Variants in ATP2C2 observed in about 807,000 individuals in gnomAD.
ATP2C2 encodes the protein calcium-transporting ATPase type 2C member 2.
In ATP2C2, 171 loss-of-function variants were observed where a neutral mutation model predicts 110.8. The ratio of observed to expected loss-of-function variants is 1.54; its 90% CI spans 1.36 to 1.75. The LOEUF is 1.75. Among genes scored for constraint, ATP2C2 ranks in the 40% most tolerant of loss-of-function variants. The pLI, the probability that ATP2C2 is intolerant of heterozygous loss-of-function variation, is 0.00. For synonymous variants in ATP2C2, 804 were observed against 508.4 expected, an observed-to-expected ratio of 1.58 and a Z score of -7.82; for missense variants, 1,963 against 1,235.0, an observed-to-expected ratio of 1.59 and a Z score of -8.84.
chr16:84,421,128 C>T (rs56964733), intron 7 of ATP2C2, among the ~76,000 whole-genome samples: 36,015 of 152,076 alleles, frequency 0.24, 4,577 homozygotes, highest in Non-Finnish European at 0.29. Flanking sequence ...TTTGAGGAGC[C>T]CCAGCCAGGT....
intron 13 of ATP2C2, among the ~76,000 whole-genome samples, chr16:84,440,118 G>C (rs531885219): frequency 2.0e-5 from 3 of 152,330 alleles, no homozygotes; most frequent in East Asian, 3.9e-4. Context: ...GATTACAGGC[G>C]TGAGCCACCA....
chr16:84,440,800 CT>C (rs1909177185), intron 13 of ATP2C2, 56 bp from the exon 14 acceptor site: 1 of 1,380,024 alleles, frequency 7.2e-7, no homozygotes, highest in African/African-American at 1.4e-5. Flanking sequence ...TGTGGGCCAA[CT>C]GGGGGAGCAT....
intron 1 of ATP2C2, among the ~76,000 whole-genome samples, chr16:84,397,995 A>G (rs1021942596): frequency 6.6e-6 from 1 of 151,876 alleles, no homozygotes; most frequent in Non-Finnish European, 1.5e-5. Flanking sequence ...AGGTTGGCCA[A>G]GGGAGCATCA....
At chr16:84,412,718 C>T (rs1002308736) in intron 6 of ATP2C2, among the ~76,000 whole-genome samples, 2 of 152,066 alleles carry the variant, frequency 1.3e-5, no homozygotes, top group African/African-American at 4.8e-5. Flanking sequence ...AAGTCTTCTC[C>T]CCACCCCTGC....
At chr16:84,455,688 G>A (rs1010065568) in intron 21 of ATP2C2, among the ~76,000 whole-genome samples, 1 of 151,626 alleles carries the variant, frequency 6.6e-6, no homozygotes, top group Non-Finnish European at 1.5e-5. Context: ...AGGCTAGGTG[G>A]ATCGTGCACT....
intron 11 of ATP2C2, among the ~76,000 whole-genome samples, chr16:84,434,842 G>C (rs1275368586): frequency 6.6e-6 from 1 of 152,136 alleles, no homozygotes; most frequent in Non-Finnish European, 1.5e-5. Context: ...TTAGTCTGTG[G>C]ATTAATTCTT....
Position 84,459,298 on chromosome 16 carries a change from C to CTG in ATP2C2, c.2247_2248dup (p.Ser750CysfsTer33). ...CATCTCCGCCCTGAGTCTCATCACT[C>CTG]TGTCCACCGTGTTCAACCTGCCCAG... is the stretch of plus-strand genomic sequence containing the variant. On this transcript the variant is annotated frameshift_variant, in exon 23 of 27. Coordinates refer to ENST00000262429, the MANE Select transcript of ATP2C2 (RefSeq NM_014861.4). LOFTEE classifies it high-confidence loss of function. The CTG allele has an allele frequency of 1.2e-6, 2 of 1,614,226 alleles. No homozygotes were observed. The highest frequency in any genetic ancestry group is 1.7e-6 in the Non-Finnish European group (2 of 1,180,034).
intron 10 of ATP2C2, 95 bp downstream of exon 10, chr16:84,423,358 C>T (rs932875975): frequency 5.9e-6 from 7 of 1,181,478 alleles, no homozygotes; most frequent in East Asian, 2.4e-5. Context: ...TATCTTGCTA[C>T]TCAGCTGCAT....
chr16:84,396,089 T>C (rs760120252), intron 1 of ATP2C2, among the ~76,000 whole-genome samples: 1 of 152,148 alleles, frequency 6.6e-6, no homozygotes. Flanking sequence ...GGGTCTGGCT[T>C]ATTTCACCAG....
intron 2 of ATP2C2, 70 bp from the exon 3 acceptor site, chr16:84,405,058 G>T: frequency 7.8e-7 from 1 of 1,276,208 alleles, no homozygotes; most frequent in South Asian, 1.2e-5. Flanking sequence ...TTCAGAGTGG[G>T]AGTCTGTACC....
rs190401578 is a variant in ATP2C2 at position 84,403,378 on chromosome 16, C to G, written c.211-1750C>G. Among the ~76,000 whole-genome samples, 445 of 152,218 alleles carry G rather than the reference C, an allele frequency of 2.9e-3. 1 individual carries two copies. Among genetic ancestry groups the G allele is most frequent in the African/African-American group, 0.01 (420 of 41,524 alleles). On this transcript the variant is annotated intron_variant, in intron 2 of 26. Transcript: ENST00000262429. ...TCGAGTCCAGTGCTGCAATCAAGGG[C>G]CAGTGCAGCCTCCACCTCCTGGGCT...
chr16:84,420,771 G>C (rs946912380), intron 7 of ATP2C2, among the ~76,000 whole-genome samples: 1 of 152,072 alleles, frequency 6.6e-6, no homozygotes, highest in African/African-American at 2.4e-5. Flanking sequence ...GACAGTTTCT[G>C]ATGTTCCTTG....
chr16:84,422,356 G>C (rs768366722), intron 7 of ATP2C2, 34 bp from the exon 8 acceptor site: 1 of 1,600,758 alleles, frequency 6.2e-7, no homozygotes, highest in South Asian at 1.1e-5. Context: ...GGGTGACAGA[G>C]AGATTCCACA....
At chr16:84,461,532 G>C in intron 24 of ATP2C2, 182 bp from the exon 25 acceptor site, 1 of 668,510 alleles carries the variant, frequency 1.5e-6, no homozygotes, top group East Asian at 2.5e-5. Flanking sequence ...AGCATGTGCT[G>C]GGGAGACCCT....
intron 1 of ATP2C2, among the ~76,000 whole-genome samples, chr16:84,382,720 C>G (rs1211267626): frequency 6.6e-6 from 1 of 152,042 alleles, no homozygotes. Context: ...GTGGCAAAAC[C>G]CCGTCTCTAC....
chr16:84,408,654 C>G (rs79503399), intron 4 of ATP2C2, among the ~76,000 whole-genome samples, 160 bp downstream of exon 4: 17,339 of 152,022 alleles, frequency 0.11, 1,185 homozygotes, highest in East Asian at 0.25. Flanking sequence ...CTTCTTTACC[C>G]TAATATCAAG....
rs562110520 is a variant in ATP2C2 at position 84,436,850 on chromosome 16, C to T, written c.987-2316C>T. ...CCATCTCAGCTCACCACAACCTCCA[C>T]CTCCCAGGTTCAAGCGATTCTCCTG... On this transcript the variant is annotated intron_variant, in intron 11 of 26. Transcript: ENST00000262429. 8.6e-5 allele frequency among the ~76,000 whole-genome samples: 13 copies of T among 151,950 alleles called. No homozygotes were observed. In the East Asian group the frequency reaches 1.9e-3, roughly 23 times the overall value.
intron 16 of ATP2C2, 46 bp from the exon 17 acceptor site, chr16:84,448,487 C>A: frequency 6.4e-7 from 1 of 1,574,146 alleles, no homozygotes; most frequent in Non-Finnish European, 8.6e-7. Context: ...CAGTATGAAC[C>A]AAGGCTTCCA....
At chr16:84,428,993 T>G (rs562711838) in intron 11 of ATP2C2, among the ~76,000 whole-genome samples, 1 of 152,176 alleles carries the variant, frequency 6.6e-6, no homozygotes, top group African/African-American at 2.4e-5. Flanking sequence ...GTTCTCGGTT[T>G]GTTTTACTAA....
Sources: gnomAD v4.1 joint callset for allele counts (sites outside exome capture counted in the v4.1 genomes callset) on GRCh38, gnomAD v4.1.1 for gene constraint, MANE v1.5 for transcripts, NCBI Gene and HGNC (gene_info 2026-07-23, HGNC 2026-07-21) for gene names.